Variants in NRG1 observed in about 807,000 individuals in gnomAD.
NRG1 encodes neuregulin 1.
NRG1 carries 18 observed loss-of-function variants against 63.8 expected under a neutral mutation model. The observed-to-expected ratio is 0.28, with a 90% CI of 0.19 to 0.42. The LOEUF is 0.42. Among genes scored for constraint, NRG1 ranks in the 10% least tolerant of loss-of-function variants. The pLI is 1.00. For missense variants in NRG1, 762 were observed against 814.7 expected (o/e 0.94, Z 0.79); for synonymous variants, 302 against 301.3 (o/e 1.00, Z -0.02).
At chr8:31,812,824 A>G (rs1162767737) in intron 1 of NRG1, among the ~76,000 whole-genome samples, 1 of 152,174 alleles carries the variant, frequency 6.6e-6, no homozygotes, top group Admixed American at 6.5e-5. Context: ...AGAGAGCAAA[A>G]TTTGTCATTA....
At chr8:31,966,253 TC>T (rs1806311350) in intron 1 of NRG1, among the ~76,000 whole-genome samples, 1 of 146,202 alleles carries the variant, frequency 6.8e-6, no homozygotes, top group Non-Finnish European at 1.5e-5. Flanking sequence ...AACACCTATA[TC>T]TTACCATGTA....
chr8:31,795,914 T>C (rs1183339105), intron 1 of NRG1, among the ~76,000 whole-genome samples: 4 of 152,226 alleles, frequency 2.6e-5, no homozygotes, highest in Non-Finnish European at 1.5e-5. Context: ...CCAAAGATGA[T>C]GCTTTGTTTA....
At chr8:32,047,729 CAAATT>C (rs1337129324) in intron 1 of NRG1, among the ~76,000 whole-genome samples, 1 of 151,644 alleles carries the variant, frequency 6.6e-6, no homozygotes, top group African/African-American at 2.4e-5. Context: ...TAAATTTTAT[CAAATT>C]AACATATGTA....
At chr8:32,349,053 C>T (rs949980735) in intron 1 of NRG1, among the ~76,000 whole-genome samples, 22 of 152,250 alleles carry the variant, frequency 1.4e-4, no homozygotes, top group Non-Finnish European at 3.2e-4. Flanking sequence ...GCTTCCTGTG[C>T]CTTGAATTAC....
chr8:31,869,724 C>A (rs1377493079), intron 1 of NRG1, among the ~76,000 whole-genome samples: 1 of 152,140 alleles, frequency 6.6e-6, no homozygotes, highest in African/African-American at 2.4e-5. Flanking sequence ...AAACAGCAAT[C>A]TAAAAGCTAA....
intron 1 of NRG1, among the ~76,000 whole-genome samples, chr8:31,823,549 C>A (rs1389897747): frequency 6.6e-6 from 1 of 152,142 alleles, no homozygotes; most frequent in East Asian, 1.9e-4. Context: ...CTGGTCAGGT[C>A]AGTTCAATAC....
At chr8:32,609,145 A>G (rs541252295) in intron 3 of NRG1, among the ~76,000 whole-genome samples, 2 of 152,264 alleles carry the variant, frequency 1.3e-5, no homozygotes, top group East Asian at 3.9e-4. Context: ...ACCATGATTG[A>G]CAAGGCCAGT....
At chr8:31,730,191 T>C (rs982333664) in intron 1 of NRG1, among the ~76,000 whole-genome samples, 1 of 152,168 alleles carries the variant, frequency 6.6e-6, no homozygotes, top group Non-Finnish European at 1.5e-5. Context: ...TAGGCAAACC[T>C]CAATAATTAT....
chr8:32,064,118 A>G (rs1343171377), intron 1 of NRG1, among the ~76,000 whole-genome samples: 1 of 152,136 alleles, frequency 6.6e-6, no homozygotes, highest in East Asian at 1.9e-4. Flanking sequence ...AATGTTATCT[A>G]GAAATCTAGC....
chr8:32,254,239 A>G (rs891640549), intron 1 of NRG1, among the ~76,000 whole-genome samples: 2 of 151,860 alleles, frequency 1.3e-5, no homozygotes, highest in Non-Finnish European at 2.9e-5. Flanking sequence ...TAGCTTTTGA[A>G]TTTGTTTGCT....
chr8:32,590,558 C>T lies in NRG1; in HGVS notation c.101-5270C>T, dbSNP rs1334398666. On this transcript the variant is annotated intron_variant, in intron 1 of 11. Coordinates refer to ENST00000356819, the Ensembl canonical transcript of NRG1. ...AAAATTTTTTTGCACTTTTAAAATTCGAGTACTTACTTAACAAGAATTGAC... is the reference window on the plus strand; with the variant it reads ...AAAATTTTTTTGCACTTTTAAAATTTGAGTACTTACTTAACAAGAATTGAC... Among the ~76,000 whole-genome samples, 3 of 152,170 alleles carry T rather than the reference C, an allele frequency of 2.0e-5. No homozygotes were observed. In the East Asian group the frequency reaches 5.8e-4, roughly 29 times the overall value.
intron 5 of NRG1, among the ~76,000 whole-genome samples, chr8:32,716,222 C>T (rs956101484): frequency 3.3e-5 from 5 of 152,154 alleles, no homozygotes; most frequent in Admixed American, 2.0e-4. Context: ...TCCTGCTACA[C>T]ATATTTTGCA....
intron 5 of NRG1, among the ~76,000 whole-genome samples, chr8:32,703,333 A>G (rs1815440216): frequency 6.6e-6 from 1 of 152,032 alleles, no homozygotes; most frequent in Non-Finnish European, 1.5e-5. Context: ...GTTCCGAAAT[A>G]TCATATCTGT....
intron 1 of NRG1, among the ~76,000 whole-genome samples, chr8:32,429,787 G>T (rs762651006): frequency 4.1e-4 from 62 of 152,172 alleles, no homozygotes; most frequent in Admixed American, 3.9e-3. Context: ...CCACTTCCTT[G>T]CTATAGCTCC....
At chr8:32,235,430 G>C (rs1034476762) in intron 1 of NRG1, among the ~76,000 whole-genome samples, 8 of 152,034 alleles carry the variant, frequency 5.3e-5, no homozygotes, top group Non-Finnish European at 1.2e-4. Context: ...TGGAGAGCCA[G>C]TGGCTGACAA....
intron 1 of NRG1, among the ~76,000 whole-genome samples, chr8:32,092,009 A>G (rs1193770975): frequency 6.6e-6 from 1 of 152,170 alleles, no homozygotes; most frequent in African/African-American, 2.4e-5. Flanking sequence ...AAATGAACAT[A>G]TATTTTGAAA....
intron 1 of NRG1, among the ~76,000 whole-genome samples, chr8:31,830,302 TTTCCTTCCTTCCTTCCTTCCTTCC>T (rs375861946): frequency 2.2e-4 from 27 of 122,742 alleles, no homozygotes; most frequent in African/African-American, 8.0e-4. Context: ...GCTCTTCTTT[TTTCCTTCCTTCCTTCCTTCCTTCC>T]TTCCTTCCTT....
chr8:31,986,521 T>G (rs966921553), intron 1 of NRG1, among the ~76,000 whole-genome samples: 2 of 152,118 alleles, frequency 1.3e-5, no homozygotes, highest in Non-Finnish European at 2.9e-5. Flanking sequence ...CTAAACTTAA[T>G]ACATTTTCTG....
At chr8:31,751,972 C>A (rs544377259) in intron 1 of NRG1, among the ~76,000 whole-genome samples, 4 of 152,002 alleles carry the variant, frequency 2.6e-5, no homozygotes, top group Admixed American at 2.6e-4. Context: ...TGGTTTTGAA[C>A]ATGTATTTGC....
Sources: allele counts gnomAD v4.1 joint callset (sites outside exome capture counted in the v4.1 genomes callset), GRCh38; gene constraint gnomAD v4.1.1; transcripts MANE v1.5; gene names NCBI Gene and HGNC (gene_info 2026-07-23, HGNC 2026-07-21).